TRIP12: variants seen among roughly 807,000 people sequenced by gnomAD.
TRIP12 encodes thyroid hormone receptor interactor 12.
Under a neutral mutation model 244.2 loss-of-function variants are expected in TRIP12, and 25 were observed. The ratio of observed to expected loss-of-function variants is 0.10; its 90% CI spans 0.07 to 0.14. TRIP12 has a LOEUF of 0.14. Ranked by LOEUF, TRIP12 falls within the 10% of genes least tolerant of loss-of-function variation. The pLI is 1.00. For missense variants in TRIP12, 1,677 were observed against 2,486.4 expected, an observed-to-expected ratio of 0.67 and a Z score of 6.92; for synonymous variants, 905 against 873.1, an observed-to-expected ratio of 1.04 and a Z score of -0.64.
chr2:229,877,431 G>A (rs905491141), intron 2 of TRIP12, among the ~76,000 whole-genome samples: 12 of 152,176 alleles, frequency 7.9e-5, no homozygotes, highest in African/African-American at 2.7e-4. Context: ...TACTTGGGAG[G>A]CTGAGGCAGG....
At chr2:229,879,788 T>C (rs1176753467) in intron 2 of TRIP12, among the ~76,000 whole-genome samples, 194 bp downstream of exon 2, 1 of 152,258 alleles carries the variant, frequency 6.6e-6, no homozygotes, top group Admixed American at 6.5e-5. Flanking sequence ...GAACTACTTC[T>C]TTGAGTCTAG....
intron 1 of TRIP12, among the ~76,000 whole-genome samples, chr2:229,896,181 CA>C (rs2068764761): frequency 6.6e-6 from 1 of 151,768 alleles, no homozygotes; most frequent in African/African-American, 2.4e-5. Context: ...GAGTAAGATT[CA>C]AAAAAATTTA....
chr2:229,901,099 A>G (rs879831880), intron 1 of TRIP12, among the ~76,000 whole-genome samples: 4 of 150,738 alleles, frequency 2.7e-5, no homozygotes, highest in Admixed American at 1.3e-4. Context: ...ACGCCTGGCT[A>G]ATTTTTGTAT....
intron 8 of TRIP12, among the ~76,000 whole-genome samples, chr2:229,822,921 G>C (rs138313870): frequency 3.1e-4 from 47 of 152,238 alleles, no homozygotes; most frequent in African/African-American, 9.9e-4. Flanking sequence ...CTGAAATTAA[G>C]AACTCATTGA....
intron 38 of TRIP12, among the ~76,000 whole-genome samples, chr2:229,772,403 T>C (rs2034691935): frequency 6.6e-6 from 1 of 152,204 alleles, no homozygotes; most frequent in Non-Finnish European, 1.5e-5. Context: ...AAGACAGTCC[T>C]ACTGAATACT....
At chr2:229,914,605 T>A (rs2075021910) in intron 1 of TRIP12, among the ~76,000 whole-genome samples, 1 of 152,162 alleles carries the variant, frequency 6.6e-6, no homozygotes. Flanking sequence ...TGTTTACCAG[T>A]ATAAAATCTT....
intron 1 of TRIP12, among the ~76,000 whole-genome samples, chr2:229,904,936 C>CT (rs1324023479): frequency 1.3e-5 from 2 of 152,148 alleles, no homozygotes; most frequent in African/African-American, 2.4e-5. Flanking sequence ...TAGGAGAACT[C>CT]TATCTCTGAA....
At chr2:229,886,476 T>C (rs1019811363) in intron 1 of TRIP12, among the ~76,000 whole-genome samples, 1 of 152,056 alleles carries the variant, frequency 6.6e-6, no homozygotes, top group Non-Finnish European at 1.5e-5. Flanking sequence ...ATTTTTTTTT[T>C]TTTTGAGACG....
chr2:229,909,392 A>C (rs113721154), intron 1 of TRIP12, among the ~76,000 whole-genome samples: 6,389 of 151,548 alleles, frequency 0.042, 338 homozygotes, highest in African/African-American at 0.12. Flanking sequence ...CACACACAAA[A>C]AAAAAAAATT....
intron 1 of TRIP12, among the ~76,000 whole-genome samples, chr2:229,895,204 T>C (rs2068473582): frequency 6.6e-6 from 1 of 151,994 alleles, no homozygotes. Context: ...AAACAGAATT[T>C]CTAACATGAA....
intron 38 of TRIP12, among the ~76,000 whole-genome samples, chr2:229,772,448 G>A (rs2034712881): frequency 6.6e-6 from 1 of 152,138 alleles, no homozygotes; most frequent in Non-Finnish European, 1.5e-5. Flanking sequence ...GAACTGTTAA[G>A]TAACAGGGGA....
intron 4 of TRIP12, among the ~76,000 whole-genome samples, chr2:229,855,439 T>G (rs1487390332): frequency 1.3e-5 from 2 of 152,040 alleles, no homozygotes; most frequent in East Asian, 1.9e-4. Context: ...AAATATATGG[T>G]GAATGATATG....
chr2:229,773,989 G>A, intron 38 of TRIP12, 108 bp downstream of exon 38: 2 of 1,152,202 alleles, frequency 1.7e-6, no homozygotes, highest in Non-Finnish European at 1.2e-6. Context: ...TGGTCCTGGG[G>A]ATGTGGAAGG....
rs2043616035 is a variant in TRIP12, at chr2:229,799,342, C to T, written c.3248G>A (p.Arg1083Gln). The change falls in exon 22 of 42, where the codon CGA becomes CAA. Residue 1083 changes from arginine (R) to glutamine (Q), a missense_variant. Physicochemically the swap from Arg to Gln is conservative, Grantham distance 43. This residue lies in a region of TRIP12 where 572 missense variants were observed against 867.8 expected (regional missense o/e 0.66). Transcript: ENST00000675903. Reference sequence around the variant, plus strand: ...TGAGTACTTTGGCCTTCTTGGCCCTCGTTTTGGCAGTCGTTTTCTCTTTAG... The same window carrying T: ...TGAGTACTTTGGCCTTCTTGGCCCTTGTTTTGGCAGTCGTTTTCTCTTTAG... ...DVLKRKRLPKRGPRRPKYSPP... is the reference protein window; with the variant it reads ...DVLKRKRLPKQGPRRPKYSPP... The T allele has an allele frequency of 5.0e-6, 8 of 1,614,132 alleles. No individual in the cohort carries two copies. The highest frequency in any genetic ancestry group is 6.8e-6 in the Non-Finnish European group (8 of 1,180,022).
intron 39 of TRIP12, among the ~76,000 whole-genome samples, chr2:229,771,122 G>T (rs2034147253): frequency 1.3e-5 from 2 of 152,160 alleles, no homozygotes; most frequent in Admixed American, 1.3e-4. Flanking sequence ...AACTTTGATT[G>T]TGAAACAATG....
At chr2:229,845,145 C>A (rs2057309721) in intron 4 of TRIP12, among the ~76,000 whole-genome samples, 1 of 152,172 alleles carries the variant, frequency 6.6e-6, no homozygotes, top group Non-Finnish European at 1.5e-5. Flanking sequence ...AGGGAGGTCA[C>A]AAGATGTGAG....
rs139703319 is a variant in TRIP12 at position 229,814,234 on chromosome 2, G to C, written c.1823C>G (p.Ala608Gly). 6.2e-7 allele frequency: 1 copy of C among 1,613,838 alleles called. No individual in the cohort carries two copies. Among genetic ancestry groups the C allele is most frequent in the Non-Finnish European group, 8.5e-7 (1 of 1,179,804 alleles). Residue 608 changes from alanine (A) to glycine (G), a missense_variant and splice_region_variant, in exon 12 of 42, where the codon GCG (alanine) becomes GGG (glycine). Ala to Gly is a moderately conservative substitution (Grantham distance 60, BLOSUM62 0). Transcript: ENST00000675903. ...GTCCCCTTCAGTAACAACACTTACC[G>C]CCTGTAGAATGGCTTTACTATGTCT... Reference protein sequence around the residue: ...SRRHSKAILQAGGLADCLLYL... With the variant: ...SRRHSKAILQGGGLADCLLYL...
intron 17 of TRIP12, chr2:229,806,238 A>G (rs764106278): frequency 1.2e-5 from 2 of 162,458 alleles, no homozygotes; most frequent in East Asian, 1.8e-4. Flanking sequence ...AGTTATCCAT[A>G]TATCTTAGTA....
chr2:229,894,286 C>T (rs1263586681), intron 1 of TRIP12: 1 of 152,144 alleles, frequency 6.6e-6, no homozygotes, highest in East Asian at 1.9e-4. Flanking sequence ...GCCGACTTTC[C>T]AAACCCAAAA....
Sources: gnomAD v4.1 joint callset for allele counts (sites outside exome capture counted in the v4.1 genomes callset) on GRCh38, gnomAD v4.1.1 for gene constraint, gnomAD v4.1.1 regional missense constraint, MANE v1.5 for transcripts, NCBI Gene and HGNC (gene_info 2026-07-23, HGNC 2026-07-21) for gene names.